Variants in FAT1 observed in about 807,000 individuals in gnomAD.
FAT1 encodes protocadherin Fat 1.
FAT1 carries 171 observed loss-of-function variants against 329.8 expected under a neutral mutation model. That is an observed-to-expected ratio of 0.52 (90% CI 0.46 to 0.59). The LOEUF (loss-of-function observed/expected upper bound fraction) is 0.59. FAT1 is among the 20% of genes least tolerant of loss of function. The pLI is 0.00. For missense variants in FAT1, 5,672 were observed against 5,774.4 expected, an observed-to-expected ratio of 0.98 and a Z score of 0.57; for synonymous variants, 2,233 against 2,228.6, an observed-to-expected ratio of 1.00 and a Z score of -0.06.
Position 186,621,162 on chromosome 4 carries a change from T to C in FAT1, c.5424A>G (p.Val1808=), listed in dbSNP as rs2099854. The C allele has an allele frequency of 0.042, 67,508 of 1,613,900 alleles. 3,106 individuals carry two copies. The highest frequency in any genetic ancestry group is 0.2 in the Admixed American group (11,961 of 59,994). Residue 1808 remains valine, a synonymous_variant, in exon 10 of 27, where the codon GTA becomes GTG. Coordinates refer to ENST00000441802, the MANE Select transcript of FAT1 (RefSeq NM_005245.4). ...DADKDSNALL[V]YHIVEPSVHT... ...GTACAGATGGTTCAACAATGTGATA[T>C]ACAAGCAAAGCATTTGAGTCTTTAT...
intron 3 of FAT1, among the ~76,000 whole-genome samples, chr4:186,649,496 G>A (rs1386653745): frequency 1.3e-5 from 2 of 152,136 alleles, no homozygotes; most frequent in African/African-American, 4.8e-5. Flanking sequence ...TGGATTTATG[G>A]TGGACCCTAA....
rs1367861807 is a variant in FAT1 at position 186,596,716 on chromosome 4, C to G, written c.12824G>C (p.Gly4275Ala). The G allele has an allele frequency of 6.2e-7, 1 of 1,613,860 alleles. No individual in the cohort carries two copies. Residue 4275 changes from glycine to alanine, a missense_variant, in exon 25 of 27, where the codon GGA becomes GCA. This residue lies in a region of FAT1 where 1,706 missense variants were observed against 1,859.1 expected (regional missense o/e 0.92). Transcript: ENST00000441802. This position sits in a 1 kb window ranked among gnomAD's most constrained non-coding sequence, Gnocchi z 4.7. Reference protein sequence around the residue: ...RNNLDRNSFEGSAIPEHPEFS... With the variant: ...RNNLDRNSFEASAIPEHPEFS... Reference sequence around the variant, plus strand: ...TTCGGGATGCTCTGGGATAGCAGATCCTTCGAAGGAATTTCGGTCCAGATT... The same window carrying G: ...TTCGGGATGCTCTGGGATAGCAGATGCTTCGAAGGAATTTCGGTCCAGATT...
chr4:186,638,515 T>C (rs1740942061), intron 4 of FAT1, among the ~76,000 whole-genome samples: 1 of 152,100 alleles, frequency 6.6e-6, no homozygotes. Context: ...TTACACCCTA[T>C]GAACTAAAAA....
In FAT1 at chr4:186,636,342, A is replaced by T. The variant is rs932948058; in HGVS notation, c.3973-107T>A. The T allele has an allele frequency of 4.8e-6, 5 of 1,043,074 alleles. No individual in the cohort carries two copies. In the Admixed American group the frequency reaches 8.5e-5, roughly 18 times the overall value. 64.6% of individuals were successfully genotyped at this position (1,043,074 alleles called of 1,614,324 possible). ...GTCTTAAACTGAGCCAATTTCAAAC[A>T]TTTCACATTTGTATTCTGTGTATGG... is the stretch of plus-strand genomic sequence containing the variant. On this transcript the variant is annotated intron_variant, in intron 5 of 26. Coordinates refer to ENST00000441802, the MANE Select transcript of FAT1 (RefSeq NM_005245.4).
Position 186,628,532 on chromosome 4 carries a change from T to C in FAT1, c.4555A>G (p.Lys1519Glu). 1 of 1,613,994 alleles carries C rather than the reference T, an allele frequency of 6.2e-7. No individual in the cohort carries two copies. The highest frequency in any genetic ancestry group is 1.1e-5 in the South Asian group (1 of 91,074). The change falls in exon 8 of 27, where the codon AAA becomes GAA. Residue 1519 changes from lysine to glutamate, a missense_variant. By Grantham distance (56) the Lys-to-Glu change is moderately conservative (BLOSUM62 1). Coordinates refer to ENST00000441802, the MANE Select transcript of FAT1 (RefSeq NM_005245.4). ...PATGSLYTSE[K>E]LDHEAVHQHT... ...TGGTGAACAGCTTCATGATCCAGTT[T>C]CTCAGAAGTATAGAGAGAGCCGGTT...
At chr4:186,666,432 G>A (rs182252437) in intron 2 of FAT1, among the ~76,000 whole-genome samples, 98 of 152,210 alleles carry the variant, frequency 6.4e-4, no homozygotes, top group African/African-American at 2.3e-3. Context: ...ATACAAAGAC[G>A]TCAGGGGATA....
At chr4:186,696,549 C>T (rs1036864967) in intron 2 of FAT1, among the ~76,000 whole-genome samples, 15 of 152,106 alleles carry the variant, frequency 9.9e-5, no homozygotes, top group Admixed American at 7.2e-4. Flanking sequence ...AAGAGGAACA[C>T]GGACGTCTGA....
In FAT1 at chr4:186,596,446, T is replaced by C; in HGVS notation, c.13000+94A>G. 2.2e-6 allele frequency: 3 copies of C among 1,365,922 alleles called. No individual in the cohort carries two copies. Among genetic ancestry groups the C allele is most frequent in the Non-Finnish European group, 3.0e-6 (3 of 998,416 alleles). 84.6% of individuals were successfully genotyped at this position (1,365,922 alleles called of 1,614,324 possible). A position where few individuals can be genotyped will look rare whatever the true frequency, so the allele number is the denominator to read the frequency against. On this transcript the variant is annotated intron_variant, in intron 25 of 26. Transcript: ENST00000441802. The surrounding 1 kb of genome is among the most constrained non-coding windows in gnomAD (Gnocchi z 4.7). ...ATTTCAGTCTGAGCATACTTGTCTC[T>C]AATGAAGAGTACACACATTTTGACT... is the stretch of plus-strand genomic sequence containing the variant.
At chr4:186,652,681 C>T (rs900370161) in intron 3 of FAT1, among the ~76,000 whole-genome samples, 1 of 152,096 alleles carries the variant, frequency 6.6e-6, no homozygotes, top group Admixed American at 6.5e-5. Flanking sequence ...CTGGCCCGTC[C>T]TTTCCTTCCT....
intron 26 of FAT1, among the ~76,000 whole-genome samples, chr4:186,591,165 T>TA (rs1007231481): frequency 1.3e-5 from 2 of 152,228 alleles, no homozygotes; most frequent in Non-Finnish European, 2.9e-5. Context: ...GAAAATCCGT[T>TA]AGAGTTGTTA....
At position 186,678,028 on chromosome 4, in the gene FAT1, A is replaced by G. The variant is rs1743033818; in HGVS notation, c.3266-14415T>C. Among the ~76,000 whole-genome samples the G allele has an allele frequency of 2.6e-5, 4 of 152,232 alleles. No homozygotes were observed. The South Asian group carries it at 8.3e-4, about 31-fold the overall frequency. ...TCTCTGAGAGCAAAGTTGTTCATTA[A>G]GAGAGCTGTTCTTTAACAAAGTAAT... On this transcript the variant is annotated intron_variant, in intron 2 of 26. Coordinates refer to ENST00000441802, the MANE Select transcript of FAT1 (RefSeq NM_005245.4).
intron 2 of FAT1, among the ~76,000 whole-genome samples, chr4:186,686,099 T>C (rs1199291788): frequency 2.6e-5 from 4 of 152,176 alleles, no homozygotes; most frequent in Non-Finnish European, 5.9e-5. Flanking sequence ...AGACAACTAC[T>C]GTCTGGTTTA....
At chr4:186,676,779 C>T (rs1386407914) in intron 2 of FAT1, among the ~76,000 whole-genome samples, 3 of 152,180 alleles carry the variant, frequency 2.0e-5, no homozygotes, top group African/African-American at 7.2e-5. Context: ...CTAGAATGCA[C>T]ACAGCTGGTG....
chr4:186,663,695 T>C, intron 2 of FAT1, 82 bp from the exon 3 acceptor site: 1 of 1,085,588 alleles, frequency 9.2e-7, no homozygotes, highest in African/African-American at 1.6e-5. Context: ...AACTACGGCT[T>C]ACTGAGAGCT....
At chr4:186,667,580 C>T (rs1046922935) in intron 2 of FAT1, among the ~76,000 whole-genome samples, 9 of 152,134 alleles carry the variant, frequency 5.9e-5, no homozygotes, top group South Asian at 2.1e-4. Context: ...ATACAACTTA[C>T]GGAGAACTAT....
chr4:186,616,355 A>T (rs1739709499), intron 11 of FAT1, among the ~76,000 whole-genome samples: 1 of 151,996 alleles, frequency 6.6e-6, no homozygotes, highest in African/African-American at 2.4e-5. Flanking sequence ...TGGCAAACTC[A>T]GTGGCTACTC....
Position 186,589,061 on chromosome 4 carries a change from C to T in FAT1, c.13298G>A (p.Ser4433Asn), listed in dbSNP as rs1231945813. The change falls in exon 27 of 27, where the codon AGT (serine) becomes AAT (asparagine). Residue 4433 changes from serine (S) to asparagine (N), a missense_variant. Transcript: ENST00000441802. ...GTCTTCTGGGGGTGGAGGAAAATCA[C>T]TTTCGATGTCGTAGCCTCCAGGGTA... is the stretch of plus-strand genomic sequence containing the variant. Reference protein sequence around the residue: ...DYYPGGYDIESDFPPPPEDFP... With the variant: ...DYYPGGYDIENDFPPPPEDFP... The T allele has an allele frequency of 1.2e-6, 2 of 1,613,902 alleles. No homozygotes were observed. Among genetic ancestry groups the T allele is most frequent in the Non-Finnish European group, 1.7e-6 (2 of 1,179,890 alleles).
intron 17 of FAT1, among the ~76,000 whole-genome samples, chr4:186,605,055 C>T (rs1456182466): frequency 1.3e-5 from 2 of 151,502 alleles, no homozygotes; most frequent in Non-Finnish European, 2.9e-5. Context: ...CCCGTCTCTA[C>T]TAAAAATACA....
rs1215649077 is a variant in FAT1, at chr4:186,707,742, G to C, written c.2086C>G (p.Gln696Glu). Residue 696 changes from glutamine to glutamate, a missense_variant, in exon 2 of 27, where the codon CAG becomes GAG. Coordinates refer to ENST00000441802, the MANE Select transcript of FAT1 (RefSeq NM_005245.4). ...AAGAAAATATCCTCCACCTCTCCCT[G>C]GTTGTGTAATTTATTTGCCTGCAGG... ...KLLQANKLHN[Q>E]GEVEDIFFDS... is the part of the protein sequence containing the mutation. 3.7e-6 allele frequency: 6 copies of C among 1,613,536 alleles called. No individual in the cohort carries two copies. Among genetic ancestry groups the C allele is most frequent in the South Asian group, 1.1e-5 (1 of 91,070 alleles).
Sources: allele counts gnomAD v4.1 joint callset (sites outside exome capture counted in the v4.1 genomes callset), GRCh38; gene constraint gnomAD v4.1.1; regional missense constraint gnomAD v4.1.1; non-coding constraint Gnocchi (gnomAD v3.1); transcripts MANE v1.5; gene names NCBI Gene and HGNC (gene_info 2026-07-23, HGNC 2026-07-21).